The following RGS7 variants were observed in gnomAD, a reference collection of about 807,000 sequenced individuals.
RGS7 encodes regulator of G protein signaling 7.
A neutral mutation model predicts 81.1 loss-of-function variants in RGS7; 27 were observed. That is an observed-to-expected ratio of 0.33 (90% CI 0.25 to 0.46). The LOEUF (loss-of-function observed/expected upper bound fraction) is 0.46, where lower values mean the gene tolerates loss of function less well. RGS7 is among the 20% of genes least tolerant of loss of function. RGS7 has a pLI of 1.00. For missense variants in RGS7, 396 were observed against 607.4 expected (o/e 0.65, Z 3.66); for synonymous variants, 208 against 207.7 (o/e 1.00, Z -0.01).
chr1:241,235,726 C>T (rs2075925283), intron 2 of RGS7, among the ~76,000 whole-genome samples: 1 of 149,062 alleles, frequency 6.7e-6, no homozygotes, highest in African/African-American at 2.5e-5. Context: ...CCCTTCCTTT[C>T]CTTTCCTTCT....
chr1:241,323,710 C>T (rs1187546464), intron 2 of RGS7, among the ~76,000 whole-genome samples: 1 of 152,220 alleles, frequency 6.6e-6, no homozygotes, highest in Non-Finnish European at 1.5e-5. Flanking sequence ...GACGCGAGAG[C>T]TGTCCGAGGT....
Position 241,137,207 on chromosome 1 carries a change from AT to A in RGS7, c.79-38446del, listed in dbSNP as rs200821202. ...CTATCAAAGACCGTATTTTATTGGCATTTTTTTTTCCTTTTCTTTCTCTCCT... is the reference window on the plus strand; with the variant it reads ...CTATCAAAGACCGTATTTTATTGGCATTTTTTTTCCTTTTCTTTCTCTCCT... On this transcript the variant is annotated intron_variant, in intron 2 of 18. Coordinates refer to ENST00000440928, the MANE Select transcript of RGS7 (RefSeq NM_001364886.1). Among the ~76,000 whole-genome samples the A allele has an allele frequency of 3.8e-3, 570 of 150,226 alleles. 4 individuals are homozygous for A. The highest frequency in any genetic ancestry group is 0.013 in the South Asian group (62 of 4,730).
intron 3 of RGS7, 48 bp from the exon 4 acceptor site, chr1:240,983,177 T>C (rs748574437): frequency 3.8e-6 from 4 of 1,052,722 alleles, no homozygotes; most frequent in East Asian, 4.8e-5. Flanking sequence ...ACATTTTGTT[T>C]ATACATATTA....
At chr1:241,245,492 T>TA (rs577538701) in intron 2 of RGS7, among the ~76,000 whole-genome samples, 20,790 of 128,616 alleles carry the variant, frequency 0.16, 1,511 homozygotes, top group East Asian at 0.32. Flanking sequence ...CTTTTCCTTA[T>TA]AAAAAAAAAA....
At chr1:240,898,029 A>G (rs139205729) in intron 6 of RGS7, among the ~76,000 whole-genome samples, 19,443 of 152,068 alleles carry the variant, frequency 0.13, 1,354 homozygotes, top group Middle Eastern at 0.18. Context: ...ATGTGTCCAG[A>G]AATTTATCCA....
intron 5 of RGS7, among the ~76,000 whole-genome samples, chr1:240,932,996 G>C (rs1440321335): frequency 7.1e-6 from 1 of 140,616 alleles, no homozygotes; most frequent in Non-Finnish European, 1.5e-5. Flanking sequence ...CCATTCTCCT[G>C]CCTCAGCCTC....
At chr1:241,010,820 G>A (rs1232955742) in intron 3 of RGS7, among the ~76,000 whole-genome samples, 1 of 152,132 alleles carries the variant, frequency 6.6e-6, no homozygotes, top group Non-Finnish European at 1.5e-5. Flanking sequence ...ATATGCAGAT[G>A]TCTCTGGTGG....
intron 6 of RGS7, among the ~76,000 whole-genome samples, chr1:240,872,844 C>T (rs908730707): frequency 1.3e-5 from 2 of 152,036 alleles, no homozygotes; most frequent in African/African-American, 2.4e-5. Context: ...GTTGGGAGGC[C>T]GAGATGGGTG....
At chr1:240,896,280 T>G (rs990408455) in intron 6 of RGS7, among the ~76,000 whole-genome samples, 2 of 152,194 alleles carry the variant, frequency 1.3e-5, no homozygotes, top group African/African-American at 4.8e-5. Context: ...AGAAGCTCTT[T>G]AGTTTAATTA....
intron 4 of RGS7, among the ~76,000 whole-genome samples, chr1:240,978,460 A>T (rs1011102988): frequency 1.3e-5 from 2 of 152,218 alleles, no homozygotes; most frequent in Non-Finnish European, 2.9e-5. Context: ...GAAAAAAATA[A>T]GAAAATGATG....
chr1:240,985,235 C>T lies in RGS7; in HGVS notation c.176-2106G>A, dbSNP rs150518170. ...GATACACAAATCTTCCGCACAAGCC[C>T]CAAGCACCCTGCTCATTTTTCAGAG... On this transcript the variant is annotated intron_variant, in intron 3 of 18. Coordinates refer to ENST00000440928, the MANE Select transcript of RGS7 (RefSeq NM_001364886.1). Among the ~76,000 whole-genome samples the T allele has an allele frequency of 1.7e-4, 26 of 152,332 alleles. 1 individual carries two copies. Among genetic ancestry groups the T allele is most frequent in the African/African-American group, 6.3e-4 (26 of 41,582 alleles).
At chr1:240,990,197 G>A (rs942335227) in intron 3 of RGS7, among the ~76,000 whole-genome samples, 2 of 152,090 alleles carry the variant, frequency 1.3e-5, no homozygotes, top group African/African-American at 4.8e-5. Context: ...ATCGATGGAG[G>A]CATTTTCCAG....
rs1553320677 is a variant in RGS7, at chr1:241,327,146, G to GAAAA, written c.78+28552_78+28553insTTTT. 6.2e-3 allele frequency among the ~76,000 whole-genome samples: 571 copies of GAAAA among 92,148 alleles called. 34 individuals carry two copies. Among genetic ancestry groups the GAAAA allele is most frequent in the Admixed American group, 0.011 (102 of 9,440 alleles). The allele number at this position is 92,148 out of a possible 152,430, so 60.5% of individuals were successfully genotyped here. ...AGAAAGAAAGAAAGAAAGAAAGAAA[G>GAAAA]GAAAGAAAGAAAGAAAGAAACACAC... On this transcript the variant is annotated intron_variant, in intron 2 of 18. Coordinates refer to ENST00000440928, the MANE Select transcript of RGS7 (RefSeq NM_001364886.1).
At chr1:240,806,092 C>T (rs368800189) in intron 15 of RGS7, 48 bp downstream of exon 15, 95 of 1,535,114 alleles carry the variant, frequency 6.2e-5, no homozygotes, top group Non-Finnish European at 4.5e-5. Flanking sequence ...ATCTAACGCT[C>T]AACTTCTCGG....
intron 2 of RGS7, among the ~76,000 whole-genome samples, chr1:241,232,108 C>T (rs1421839325): frequency 1.3e-5 from 2 of 152,150 alleles, no homozygotes; most frequent in African/African-American, 4.8e-5. Context: ...ATTGCCTTTA[C>T]ACCTATGTTG....
intron 2 of RGS7, among the ~76,000 whole-genome samples, chr1:241,224,538 G>C (rs187605356): frequency 6.6e-6 from 1 of 151,842 alleles, no homozygotes; most frequent in Non-Finnish European, 1.5e-5. Flanking sequence ...AAGCCATTTC[G>C]CAGGATATGC....
intron 2 of RGS7, among the ~76,000 whole-genome samples, chr1:241,313,729 A>C (rs2080691697): frequency 6.6e-6 from 1 of 152,004 alleles, no homozygotes; most frequent in Non-Finnish European, 1.5e-5. Context: ...TGGATCTAGC[A>C]AAAAAAATTG....
intron 18 of RGS7, among the ~76,000 whole-genome samples, chr1:240,793,586 AAT>A (rs777839011): frequency 3.2e-4 from 33 of 102,326 alleles, no homozygotes; most frequent in Admixed American, 1.4e-3. Context: ...GTGTAGTAGG[AAT>A]ATATATATAT....
chr1:240,859,440 G>GTTTTTTTTTT (rs5782167), intron 9 of RGS7, among the ~76,000 whole-genome samples: 14 of 110,824 alleles, frequency 1.3e-4, no homozygotes, highest in East Asian at 2.7e-4. Context: ...TTTCTTTCCT[G>GTTTTTTTTTT]TTTTTTTTTT....
Sources: allele counts gnomAD v4.1 joint callset (sites outside exome capture counted in the v4.1 genomes callset), GRCh38; gene constraint gnomAD v4.1.1; transcripts MANE v1.5; gene names NCBI Gene and HGNC (gene_info 2026-07-23, HGNC 2026-07-21).